The following RPS6KA2 variants were observed in gnomAD, a reference collection of about 807,000 sequenced individuals.
The protein encoded by RPS6KA2 is ribosomal protein S6 kinase A2, also known as ribosomal protein S6 kinase alpha-2.
RPS6KA2 carries 42 observed loss-of-function variants against 91.8 expected under a neutral mutation model. The ratio of observed to expected loss-of-function variants is 0.46; its 90% confidence interval spans 0.36 to 0.59. The LOEUF (loss-of-function observed/expected upper bound fraction) is 0.59. RPS6KA2 is among the 20% of genes least tolerant of loss of function. The pLI is 0.00. For missense variants in RPS6KA2, 798 were observed against 978.5 expected (o/e 0.82, Z 2.46); for synonymous variants, 414 against 393.6 (o/e 1.05, Z -0.61).
chr6:166,736,678 C>T (rs1446611632), intron 2 of RPS6KA2, among the ~76,000 whole-genome samples: 1 of 152,158 alleles, frequency 6.6e-6, no homozygotes, highest in African/African-American at 2.4e-5. Flanking sequence ...GACAGCGGGC[C>T]TGCATCCATG....
chr6:166,417,171 C>G (rs779065268), intron 19 of RPS6KA2, among the ~76,000 whole-genome samples: 1 of 152,150 alleles, frequency 6.6e-6, no homozygotes, highest in Non-Finnish European at 1.5e-5. Flanking sequence ...AGGCCAAATT[C>G]AAAGTATTTT....
intron 2 of RPS6KA2, among the ~76,000 whole-genome samples, chr6:166,653,627 A>G (rs1787924937): frequency 6.6e-6 from 1 of 152,256 alleles, no homozygotes; most frequent in Non-Finnish European, 1.5e-5. Flanking sequence ...CACTTGATAA[A>G]AATAGCTAAT....
intron 3 of RPS6KA2, among the ~76,000 whole-genome samples, chr6:166,528,916 A>C (rs1400092014): frequency 6.6e-6 from 1 of 152,216 alleles, no homozygotes; most frequent in Non-Finnish European, 1.5e-5. Context: ...AAAAGTCAGG[A>C]AACAACAGGT....
chr6:166,500,866 G>C lies in RPS6KA2; in HGVS notation c.604+21C>G. ...AGGGCTGAGATGAAGCCATGGAGGGGGCCTGCCGTCTTTTACAAACCTGTG... is the reference window on the plus strand; with the variant it reads ...AGGGCTGAGATGAAGCCATGGAGGGCGCCTGCCGTCTTTTACAAACCTGTG... On this transcript the variant is annotated intron_variant, in intron 7 of 20. Coordinates refer to ENST00000265678, the MANE Select transcript of RPS6KA2 (RefSeq NM_021135.6). The surrounding 1 kb of genome is among the most constrained non-coding windows in gnomAD (Gnocchi z 4.3). 1 of 1,612,128 alleles carries C rather than the reference G, an allele frequency of 6.2e-7. No individual in the cohort carries two copies.
At chr6:166,610,825 T>C (rs1383719704) in intron 1 of RPS6KA2, among the ~76,000 whole-genome samples, 1 of 152,240 alleles carries the variant, frequency 6.6e-6, no homozygotes, top group Non-Finnish European at 1.5e-5. Flanking sequence ...AACAGAATAG[T>C]TTTTAAAACT....
intron 1 of RPS6KA2, among the ~76,000 whole-genome samples, chr6:166,601,747 A>C (rs1175153599): frequency 1.3e-5 from 2 of 152,186 alleles, no homozygotes; most frequent in Non-Finnish European, 2.9e-5. Context: ...TACACAAAGA[A>C]TGCAAGTCAT....
At chr6:166,581,140 C>T (rs895213692) in intron 1 of RPS6KA2, among the ~76,000 whole-genome samples, 1 of 152,114 alleles carries the variant, frequency 6.6e-6, no homozygotes, top group Non-Finnish European at 1.5e-5. Context: ...ATCTGCCCGC[C>T]TCGGCCTCCC....
chr6:166,757,348 A>G (rs1778043167), intron 2 of RPS6KA2, among the ~76,000 whole-genome samples: 1 of 152,186 alleles, frequency 6.6e-6, no homozygotes. Flanking sequence ...TCAGCCAGAC[A>G]TGAGGACCTG....
At chr6:166,514,892 AGGT>A (rs1174090236) in intron 3 of RPS6KA2, among the ~76,000 whole-genome samples, 3 of 152,182 alleles carry the variant, frequency 2.0e-5, no homozygotes, top group African/African-American at 7.2e-5. Flanking sequence ...GAGAGAAGTC[AGGT>A]GGTGGGCAGG....
chr6:166,430,392 G>A, intron 16 of RPS6KA2, 61 bp downstream of exon 16: 1 of 1,496,152 alleles, frequency 6.7e-7, no homozygotes, highest in Non-Finnish European at 9.1e-7. Flanking sequence ...AACCCTTGTG[G>A]TTTTGGTTCC....
intron 2 of RPS6KA2, among the ~76,000 whole-genome samples, chr6:166,634,571 A>G (rs180833602): frequency 4.2e-3 from 643 of 152,294 alleles, no homozygotes; most frequent in South Asian, 6.2e-3. Flanking sequence ...AAACAAAGAC[A>G]TGTGTAAATT....
chr6:166,862,047 TTGGC>T, intron 1 of RPS6KA2: 1 of 1,609,428 alleles, frequency 6.2e-7, no homozygotes, highest in Non-Finnish European at 8.5e-7. Context: ...GAGCAATGCA[TTGGC>T]TGCAGAGTTC....
At chr6:166,633,130 C>T (rs12664885) in intron 2 of RPS6KA2, among the ~76,000 whole-genome samples, 7,084 of 152,100 alleles carry the variant, frequency 0.047, 201 homozygotes, top group East Asian at 0.076. Context: ...TGAAGTGGGA[C>T]GATCACTTGA....
chr6:166,757,406 C>G (rs1778045474), intron 2 of RPS6KA2: 1 of 421,848 alleles, frequency 2.4e-6, no homozygotes, highest in African/African-American at 2.0e-5. Context: ...TGAGATTCCA[C>G]TCCGCCCAGA....
At chr6:166,513,500 T>A (rs1041324958) in intron 3 of RPS6KA2, among the ~76,000 whole-genome samples, 3 of 152,230 alleles carry the variant, frequency 2.0e-5, no homozygotes, top group Non-Finnish European at 2.9e-5. Flanking sequence ...AGAGGAAACA[T>A]GCTCACTGCA....
intron 10 of RPS6KA2, among the ~76,000 whole-genome samples, chr6:166,476,401 C>T (rs1490841068): frequency 1.3e-5 from 2 of 152,210 alleles, no homozygotes; most frequent in Non-Finnish European, 1.5e-5. Context: ...GGGCGGCCAA[C>T]GAACAGCTCA....
chr6:166,418,691 C>T lies in RPS6KA2; in HGVS notation c.1821-349G>A, dbSNP rs185089938. On this transcript the variant is annotated intron_variant, in intron 18 of 20. Transcript: ENST00000265678. The surrounding 1 kb of genome is among the most constrained non-coding windows in gnomAD (Gnocchi z 4.9). ...TGGCATCATGCGAGAGAGCCTGAGA[C>T]GTGGAGTCTGAGAGACCCACGGTGG... Among the ~76,000 whole-genome samples, 58 of 152,358 alleles carry T rather than the reference C, an allele frequency of 3.8e-4. No individual in the cohort carries two copies. The highest frequency in any genetic ancestry group is 3.4e-3 in the Middle Eastern group (1 of 294).
chr6:166,507,737 ACAC>A (rs1269263703), intron 5 of RPS6KA2, among the ~76,000 whole-genome samples: 5 of 150,598 alleles, frequency 3.3e-5, no homozygotes, highest in African/African-American at 4.9e-5. Context: ...CACATCACAT[ACAC>A]CACAAATCAC....
chr6:166,627,160 C>T lies in RPS6KA2; in HGVS notation c.-141G>A. 1 of 1,100,940 alleles carries T rather than the reference C, an allele frequency of 9.1e-7. No individual in the cohort carries two copies. Among genetic ancestry groups the T allele is most frequent in the Non-Finnish European group, 1.1e-6 (1 of 905,424 alleles). 68.2% of individuals were successfully genotyped at this position (1,100,940 alleles called of 1,614,324 possible). A position where few individuals can be genotyped will look rare whatever the true frequency, so the allele number is the denominator to read the frequency against. The stretch of plus-strand genomic sequence containing the variant: ...GGCCATGGGCGCGGGGCGTGGGGCG[C>T]GAGCTGCGGTCACAAAGGGCAGGCC... On this transcript the variant is annotated 5_prime_UTR_variant, in exon 1 of 21. Transcript: ENST00000265678.
Sources: allele counts gnomAD v4.1 joint callset (sites outside exome capture counted in the v4.1 genomes callset), GRCh38; gene constraint gnomAD v4.1.1; non-coding constraint Gnocchi (gnomAD v3.1); transcripts MANE v1.5; gene names NCBI Gene and HGNC (gene_info 2026-07-23, HGNC 2026-07-21).